NPAS2: variants seen among roughly 807,000 people sequenced by gnomAD.
NPAS2 encodes neuronal PAS domain-containing protein 2.
NPAS2 carries 23 observed loss-of-function variants against 107.5 expected under a neutral mutation model. That is an observed-to-expected ratio of 0.21 (90% CI 0.15 to 0.30). The LOEUF (loss-of-function observed/expected upper bound fraction) is 0.30. Among genes scored for constraint, NPAS2 ranks in the 10% least tolerant of loss-of-function variants. The pLI is 1.00. For missense variants in NPAS2, 756 were observed against 1,043.3 expected, an observed-to-expected ratio of 0.72 and a Z score of 3.79; for synonymous variants, 403 against 417.5, an observed-to-expected ratio of 0.97 and a Z score of 0.42.
intron 5 of NPAS2, among the ~76,000 whole-genome samples, chr2:100,945,539 C>A (rs1430532880): frequency 6.6e-6 from 1 of 152,174 alleles, no homozygotes; most frequent in African/African-American, 2.4e-5. Context: ...GCAGTTCTGC[C>A]ACCCCCTTCC....
intron 3 of NPAS2, among the ~76,000 whole-genome samples, chr2:100,929,911 A>G (rs539421848): frequency 9.2e-5 from 14 of 152,346 alleles, no homozygotes; most frequent in African/African-American, 3.1e-4. Flanking sequence ...TCTTTCCCCA[A>G]TAATCTTTCA....
intron 1 of NPAS2, among the ~76,000 whole-genome samples, chr2:100,869,103 ATT>A (rs10608079): frequency 0.12 from 17,514 of 147,214 alleles, 1,447 homozygotes; most frequent in East Asian, 0.35. Flanking sequence ...TAATTTTTGT[ATT>A]TTTTTTTTTT....
intron 1 of NPAS2, among the ~76,000 whole-genome samples, chr2:100,843,174 G>A (rs1018394399): frequency 8.0e-5 from 12 of 149,896 alleles, no homozygotes; most frequent in South Asian, 4.2e-4. Flanking sequence ...AGCTGAGATC[G>A]CACCACTGCA....
chr2:100,879,913 CCCT>C, intron 1 of NPAS2, among the ~76,000 whole-genome samples: 1 of 152,244 alleles, frequency 6.6e-6, no homozygotes, highest in East Asian at 1.9e-4. Context: ...GAGGGCTGGT[CCCT>C]CCACACAGGG....
intron 1 of NPAS2, among the ~76,000 whole-genome samples, chr2:100,886,880 G>A (rs906592685): frequency 5.9e-5 from 9 of 152,186 alleles, no homozygotes; most frequent in Admixed American, 2.0e-4. Flanking sequence ...AGACAAGGTC[G>A]TTTCCTGGAA....
At chr2:100,953,053 TTGTCAGAG>T (rs879733811) in intron 7 of NPAS2, among the ~76,000 whole-genome samples, 3,939 of 141,766 alleles carry the variant, frequency 0.028, 198 homozygotes, top group South Asian at 0.063. Context: ...ATAGCAAAAA[TTGTCAGAG>T]ACAAATGAAT....
At chr2:100,845,239 T>C (rs56286663) in intron 1 of NPAS2, among the ~76,000 whole-genome samples, 36,739 of 151,962 alleles carry the variant, frequency 0.24, 5,852 homozygotes, top group Non-Finnish European at 0.34. Flanking sequence ...TCCTGGCCAT[T>C]TGGGGCTGAT....
At chr2:100,862,357 G>T (rs970617648) in intron 1 of NPAS2, among the ~76,000 whole-genome samples, 7 of 151,724 alleles carry the variant, frequency 4.6e-5, no homozygotes, top group African/African-American at 1.7e-4. Flanking sequence ...GTTGGTTGGG[G>T]TTTTTTTTGC....
At chr2:100,940,041 G>T (rs1198402027) in intron 5 of NPAS2, among the ~76,000 whole-genome samples, 3 of 152,184 alleles carry the variant, frequency 2.0e-5, no homozygotes, top group Admixed American at 2.0e-4. Flanking sequence ...AAATTTAACT[G>T]CAATTTACTT....
In NPAS2 at chr2:100,925,160, A is replaced by G; in HGVS notation, c.47A>G (p.Lys16Arg). ...TGTGTTTACAGAGCTTCTCGAAACA[A>G]GTCTGAGAAGAAGCGTCGGGACCAG... ...KDRAKRASRNKSEKKRRDQFN... is the reference protein window; with the variant it reads ...KDRAKRASRNRSEKKRRDQFN... The change falls in exon 3 of 21, where the codon AAG becomes AGG. Residue 16 changes from lysine to arginine, a missense_variant. Transcript: ENST00000335681. 1 of 1,612,578 alleles carries G rather than the reference A, an allele frequency of 6.2e-7. No homozygotes were observed. The highest frequency in any genetic ancestry group is 8.5e-7 in the Non-Finnish European group (1 of 1,178,768).
intron 1 of NPAS2, among the ~76,000 whole-genome samples, chr2:100,842,081 G>GCGCGCGCACACACACACACACACA: frequency 0.018 from 2,753 of 148,856 alleles, 50 homozygotes; most frequent in Non-Finnish European, 0.028. Context: ...GCATGTACGC[G>GCGCGCGCACACACACACACACACA]CACACACACA....
intron 5 of NPAS2, among the ~76,000 whole-genome samples, chr2:100,941,975 C>G (rs1296641186): frequency 6.6e-6 from 1 of 152,132 alleles, no homozygotes; most frequent in African/African-American, 2.4e-5. Context: ...TGCCATGTGC[C>G]TAAGTGTTCA....
intron 1 of NPAS2, among the ~76,000 whole-genome samples, chr2:100,868,278 A>G (rs1679371025): frequency 6.6e-6 from 1 of 152,218 alleles, no homozygotes; most frequent in Non-Finnish European, 1.5e-5. Context: ...ATCTAGGGTG[A>G]TGGTGATGTT....
Position 100,861,087 on chromosome 2 carries a change from G to A in NPAS2, c.-23+40673G>A, listed in dbSNP as rs530682156. On this transcript the variant is annotated intron_variant, in intron 1 of 20. Transcript: ENST00000335681. ...TCACTTTGTTGCCCAGGCTGGTCTC[G>A]AACACCTGGCCTCAAGGGATCCTCC... Among the ~76,000 whole-genome samples, 6 of 150,418 alleles carry A rather than the reference G, an allele frequency of 4.0e-5. No homozygotes were observed. The East Asian group carries it at 5.9e-4, about 15-fold the overall frequency.
chr2:100,956,786 CTTG>C (rs1179345066), intron 7 of NPAS2, among the ~76,000 whole-genome samples: 3 of 152,210 alleles, frequency 2.0e-5, no homozygotes, highest in Non-Finnish European at 4.4e-5. Context: ...AGGATCCCAT[CTTG>C]TTGTCTGCTC....
intron 1 of NPAS2, among the ~76,000 whole-genome samples, chr2:100,846,493 G>T (rs1468030545): frequency 6.6e-6 from 1 of 152,080 alleles, no homozygotes; most frequent in Non-Finnish European, 1.5e-5. Flanking sequence ...AGTTAAAAGA[G>T]TGTTTTTTTC....
At chr2:100,962,612 C>T (rs989634223) in intron 7 of NPAS2, 1 of 152,190 alleles carries the variant, frequency 6.6e-6, no homozygotes, top group African/African-American at 2.4e-5. Context: ...GCAGCGGTGC[C>T]CAGGGTCCCA....
At position 100,995,905 on chromosome 2, in the gene NPAS2, G is replaced by A; in HGVS notation, c.*323G>A. ...GCGCATCTCGCTGCATCCCCCGAGA[G>A]TACACCGGTTGCTCTAGCCACCTGC... On this transcript the variant is annotated 3_prime_UTR_variant, in exon 21 of 21. Coordinates refer to ENST00000335681, the MANE Select transcript of NPAS2 (RefSeq NM_002518.4). The A allele has an allele frequency of 7.0e-7, 1 of 1,438,084 alleles. No homozygotes were observed. Among genetic ancestry groups the A allele is most frequent in the Non-Finnish European group, 9.2e-7 (1 of 1,081,816 alleles). The allele number at this position is 1,438,084 out of a possible 1,614,324, so 89.1% of individuals were successfully genotyped here.
intron 1 of NPAS2, among the ~76,000 whole-genome samples, chr2:100,855,654 A>G (rs1442385484): frequency 1.3e-5 from 2 of 152,180 alleles, no homozygotes; most frequent in Non-Finnish European, 2.9e-5. Flanking sequence ...ATCTCCCTCC[A>G]TTCAGCCTTC....
Sources: allele counts gnomAD v4.1 joint callset (sites outside exome capture counted in the v4.1 genomes callset), GRCh38; gene constraint gnomAD v4.1.1; transcripts MANE v1.5; gene names NCBI Gene and HGNC (gene_info 2026-07-23, HGNC 2026-07-21).